Variants in CACNA2D4 observed in about 807,000 individuals in gnomAD.
CACNA2D4 encodes calcium voltage-gated channel auxiliary subunit alpha2delta 4, also known as voltage-dependent calcium channel subunit alpha-2/delta-4.
Under a neutral mutation model 163.8 loss-of-function variants are expected in CACNA2D4, and 157 were observed. The ratio of observed to expected loss-of-function variants is 0.96; its 90% CI spans 0.84 to 1.09. The LOEUF is 1.09. Ranked by LOEUF, CACNA2D4 falls within the 50% of genes least tolerant of loss-of-function variation. The probability of loss-of-function intolerance (pLI) is 0.00; values close to 1 mark genes in which losing one functional copy is unlikely to be tolerated. For synonymous variants in CACNA2D4, 598 were observed against 586.9 expected, an observed-to-expected ratio of 1.02 and a Z score of -0.27; for missense variants, 1,410 against 1,479.9, an observed-to-expected ratio of 0.95 and a Z score of 0.78.
intron 29 of CACNA2D4, among the ~76,000 whole-genome samples, chr12:1,805,098 C>T (rs1320560563): frequency 6.6e-6 from 1 of 152,172 alleles, no homozygotes. Flanking sequence ...CACCCCAGCC[C>T]CCCTTTCATG....
rs1465137309 is a variant in CACNA2D4, at chr12:1,884,410, C to T, written c.1273-89G>A. The T allele has an allele frequency of 2.5e-5, 26 of 1,042,326 alleles. No individual in the cohort carries two copies. In the East Asian group the frequency reaches 4.4e-4, roughly 18 times the overall value. 64.6% of individuals were successfully genotyped at this position (1,042,326 alleles called of 1,614,324 possible). On this transcript the variant is annotated intron_variant, in intron 11 of 37. Coordinates refer to ENST00000382722, the MANE Select transcript of CACNA2D4 (RefSeq NM_172364.5). Reference sequence around the variant, plus strand: ...GTTTATATGAGTCTTAGATGTTGGCCCCAGTGCCTCTCAGTCTTCGGGTTC... The same window carrying T: ...GTTTATATGAGTCTTAGATGTTGGCTCCAGTGCCTCTCAGTCTTCGGGTTC...
chr12:1,815,786 C>T (rs1592666734), intron 26 of CACNA2D4, among the ~76,000 whole-genome samples: 1 of 152,204 alleles, frequency 6.6e-6, no homozygotes, highest in East Asian at 1.9e-4. Context: ...TGTCCCTGAA[C>T]TTGAGATCCT....
In CACNA2D4 at chr12:1,814,403, A is replaced by G. The variant is rs142370151; in HGVS notation, c.2552-2680T>C. Among the ~76,000 whole-genome samples the G allele has an allele frequency of 1.6e-4, 25 of 152,298 alleles. No homozygotes were observed. The East Asian group carries it at 4.2e-3, about 26-fold the overall frequency. On this transcript the variant is annotated intron_variant, in intron 26 of 37. Coordinates refer to ENST00000382722, the MANE Select transcript of CACNA2D4 (RefSeq NM_172364.5). The stretch of plus-strand genomic sequence containing the variant: ...GGGTGTCCTTTGCGAAATTTAGGGC[A>G]TTGCAACCGCCTATTGGCATGTCAT...
chr12:1,844,350 T>A lies in CACNA2D4; in HGVS notation c.2470+52A>T, dbSNP rs1565706537. On this transcript the variant is annotated intron_variant, in intron 25 of 37. Transcript: ENST00000382722. This position sits in a 1 kb window ranked among gnomAD's most constrained non-coding sequence, Gnocchi z 4.2. Reference sequence around the variant, plus strand: ...ACTAAGAGCACAGCAGGAGGAGAGATGAGACTGGCCTGAGACTGGCCCAGC... The same window carrying A: ...ACTAAGAGCACAGCAGGAGGAGAGAAGAGACTGGCCTGAGACTGGCCCAGC... 3.1e-5 allele frequency: 50 copies of A among 1,598,382 alleles called. No individual in the cohort carries two copies. The South Asian group carries it at 3.2e-4, about 10-fold the overall frequency.
chr12:1,807,666 C>T (rs756738635), intron 29 of CACNA2D4, among the ~76,000 whole-genome samples: 7 of 152,072 alleles, frequency 4.6e-5, no homozygotes, highest in Non-Finnish European at 8.8e-5. Flanking sequence ...GTTCTCCACA[C>T]GGTTACCCAG....
At position 1,875,456 on chromosome 12, in the gene CACNA2D4, T is replaced by A; in HGVS notation, c.1720-119A>T. On this transcript the variant is annotated intron_variant, in intron 16 of 37. Transcript: ENST00000382722. The surrounding 1 kb of genome is among the most constrained non-coding windows in gnomAD (Gnocchi z 4.0). ...AAGCAAAGGATTCCTTAGAAATCAA[T>A]CAATCCAGTAATTACTTAAGGTTAT... 1 of 704,098 alleles carries A rather than the reference T, an allele frequency of 1.4e-6. No individual in the cohort carries two copies. Among genetic ancestry groups the A allele is most frequent in the Non-Finnish European group, 2.6e-6 (1 of 386,624 alleles). The allele number at this position is 704,098 out of a possible 1,614,324, so 43.6% of individuals were successfully genotyped here.
rs529818581 is a variant in CACNA2D4 at position 1,820,538 on chromosome 12, C to T, written c.2552-8815G>A. ...CGCTCTCCTCCCTCGCCCCTTTCTT[C>T]CCTCTCTCCTCTCTCTCTCTCCCTC... On this transcript the variant is annotated intron_variant, in intron 26 of 37. Transcript: ENST00000382722. This position sits in a 1 kb window ranked among gnomAD's most constrained non-coding sequence, Gnocchi z 6.0. 1.3e-5 allele frequency: 2 copies of T among 152,486 alleles called. No individual in the cohort carries two copies. Among genetic ancestry groups the T allele is most frequent in the Admixed American group, 1.3e-4 (2 of 15,308 alleles). The allele number at this position is 152,486 out of a possible 1,614,324, so 9.4% of individuals were successfully genotyped here.
Position 1,793,473 on chromosome 12 carries a change from G to A in CACNA2D4, c.*182C>T, listed in dbSNP as rs1863031187. The A allele has an allele frequency of 1.6e-6, 1 of 642,270 alleles. No individual in the cohort carries two copies. Among genetic ancestry groups the A allele is most frequent in the Admixed American group, 2.3e-5 (1 of 43,000 alleles). 39.8% of individuals were successfully genotyped at this position (642,270 alleles called of 1,614,324 possible). On this transcript the variant is annotated 3_prime_UTR_variant, in exon 38 of 38. Coordinates refer to ENST00000382722, the MANE Select transcript of CACNA2D4 (RefSeq NM_172364.5). ...ATGAAGCATCTTGAAAGTGGTGCCA[G>A]GTGATTGGTTTCCTGTTCCATCCAG... is the stretch of plus-strand genomic sequence containing the variant.
intron 23 of CACNA2D4, among the ~76,000 whole-genome samples, chr12:1,848,178 C>A (rs1162793222): frequency 1.3e-5 from 2 of 152,344 alleles, no homozygotes; most frequent in Admixed American, 1.3e-4. Flanking sequence ...CGGAAAGAAA[C>A]CCCATAACCA....
chr12:1,905,288 A>G (rs1866631965), intron 6 of CACNA2D4, among the ~76,000 whole-genome samples: 1 of 152,138 alleles, frequency 6.6e-6, no homozygotes, highest in Non-Finnish European at 1.5e-5. Context: ...CTTTTTCTCT[A>G]TAATCAAAAA....
At chr12:1,831,666 G>T (rs1411464946) in intron 26 of CACNA2D4, 2 of 696,596 alleles carry the variant, frequency 2.9e-6, no homozygotes, top group South Asian at 3.8e-5. Context: ...GTGCCAGCTC[G>T]GCTAGAAAAG....
intron 29 of CACNA2D4, chr12:1,809,424 G>A: frequency 1.5e-6 from 1 of 652,322 alleles, no homozygotes; most frequent in Admixed American, 2.6e-5. Context: ...AGCTCACACA[G>A]AACCAAATAC....
intron 26 of CACNA2D4, among the ~76,000 whole-genome samples, chr12:1,818,648 T>A (rs1267067547): frequency 7.2e-6 from 1 of 139,844 alleles, no homozygotes; most frequent in Non-Finnish European, 1.6e-5. Context: ...GGCCGCAGGG[T>A]CCTCTGCCTA....
At chr12:1,838,195 C>T (rs1000113271) in intron 26 of CACNA2D4, among the ~76,000 whole-genome samples, 3 of 152,188 alleles carry the variant, frequency 2.0e-5, no homozygotes, top group African/African-American at 7.2e-5. Context: ...TAGGGATGAA[C>T]GCGATCTCTA....
intron 18 of CACNA2D4, among the ~76,000 whole-genome samples, chr12:1,865,727 GCCGGTGTGTGGGGAA>G (rs1004681879): frequency 2.6e-5 from 4 of 152,210 alleles, no homozygotes; most frequent in African/African-American, 7.2e-5. Context: ...CGCGAGGGGA[GCCGGTGTGTGGGGAA>G]CCGGGGCGCG....
intron 11 of CACNA2D4, 58 bp downstream of exon 11, chr12:1,884,710 T>C: frequency 8.8e-7 from 1 of 1,133,202 alleles, no homozygotes; most frequent in East Asian, 2.5e-5. Flanking sequence ...CTGCTGGTGA[T>C]CCCATCCATG....
At position 1,828,001 on chromosome 12, in the gene CACNA2D4, G is replaced by T; in HGVS notation, c.2551+12738C>A. On this transcript the variant is annotated intron_variant, in intron 26 of 37. Transcript: ENST00000382722. This position sits in a 1 kb window ranked among gnomAD's most constrained non-coding sequence, Gnocchi z 4.2. ...GCATGAGGAGTGTAAAGAGACACCC[G>T]GGCCCTCTCCCTAACCCCTGGGCTG... 1.8e-6 allele frequency: 1 copy of T among 560,452 alleles called. No homozygotes were observed. Among genetic ancestry groups the T allele is most frequent in the Non-Finnish European group, 3.0e-6 (1 of 336,552 alleles). 34.7% of individuals were successfully genotyped at this position (560,452 alleles called of 1,614,324 possible). A position where few individuals can be genotyped will look rare whatever the true frequency, so the allele number is the denominator to read the frequency against.
At chr12:1,895,137 G>GT in intron 6 of CACNA2D4, among the ~76,000 whole-genome samples, 1 of 152,014 alleles carries the variant, frequency 6.6e-6, no homozygotes, top group East Asian at 1.9e-4. Flanking sequence ...CTCATTTACA[G>GT]TAACTACCAA....
At chr12:1,800,162 C>T (rs1863264156) in intron 32 of CACNA2D4, 110 bp from the exon 33 acceptor site, 2 of 1,140,440 alleles carry the variant, frequency 1.8e-6, no homozygotes, top group South Asian at 1.3e-5. Flanking sequence ...TCCTCCAGGA[C>T]ACCCTCTTCC....
Sources: allele counts gnomAD v4.1 joint callset (sites outside exome capture counted in the v4.1 genomes callset), GRCh38; gene constraint gnomAD v4.1.1; non-coding constraint Gnocchi (gnomAD v3.1); transcripts MANE v1.5; gene names NCBI Gene and HGNC (gene_info 2026-07-23, HGNC 2026-07-21).